Variants in RBFOX1 observed in about 807,000 individuals in gnomAD.
The protein encoded by RBFOX1 is RNA binding protein fox-1 homolog 1.
In RBFOX1, 8 loss-of-function variants were observed where a neutral mutation model predicts 57.7. The ratio of observed to expected loss-of-function variants is 0.14; its 90% confidence interval spans 0.08 to 0.25. The LOEUF (loss-of-function observed/expected upper bound fraction) is 0.25. Among genes scored for constraint, RBFOX1 ranks in the 10% least tolerant of loss-of-function variants. RBFOX1 has a pLI of 1.00. For synonymous variants in RBFOX1, 326 were observed against 222.4 expected, an observed-to-expected ratio of 1.47 and a Z score of -4.15; for missense variants, 611 against 548.5, an observed-to-expected ratio of 1.11 and a Z score of -1.14.
chr16:5,300,370 G>A (rs1218215664), intron 1 of RBFOX1, among the ~76,000 whole-genome samples: 5 of 152,108 alleles, frequency 3.3e-5, no homozygotes, highest in Non-Finnish European at 7.3e-5. Flanking sequence ...GAGAAAGGGT[G>A]GGAGCGGGTG....
intron 11 of RBFOX1, among the ~76,000 whole-genome samples, chr16:7,644,437 C>A (rs571074781): frequency 6.6e-6 from 1 of 152,344 alleles, no homozygotes; most frequent in Non-Finnish European, 1.5e-5. Flanking sequence ...CCAGTTATCA[C>A]TGCCTGGGTT....
intron 4 of RBFOX1, among the ~76,000 whole-genome samples, chr16:7,438,395 C>G (rs1419003094): frequency 6.6e-6 from 1 of 151,998 alleles, no homozygotes; most frequent in South Asian, 2.1e-4. Flanking sequence ...GAGACAGGTT[C>G]ATTTTATTAA....
chr16:5,944,809 A>AAAAAAAAAAAAAAAAAAAAAAAAAAAAC (rs2059362233), intron 4 of RBFOX1, among the ~76,000 whole-genome samples: 1 of 143,160 alleles, frequency 7.0e-6, no homozygotes, highest in Non-Finnish European at 1.5e-5. Context: ...AAAAAAAAAA[A>AAAAAAAAAAAAAAAAAAAAAAAAAAAAC]TTAGCTGGGT....
At chr16:7,232,781 C>G (rs1023055516) in intron 4 of RBFOX1, among the ~76,000 whole-genome samples, 1 of 147,290 alleles carries the variant, frequency 6.8e-6, no homozygotes, top group African/African-American at 2.5e-5. Context: ...GGGGAGGTTG[C>G]CGTGAGCTGA....
chr16:6,989,805 G>C (rs1030318292), intron 3 of RBFOX1, among the ~76,000 whole-genome samples: 1 of 152,058 alleles, frequency 6.6e-6, no homozygotes, highest in Non-Finnish European at 1.5e-5. Flanking sequence ...TTCGAAACTA[G>C]CCTGGCTAAC....
intron 1 of RBFOX1, among the ~76,000 whole-genome samples, chr16:6,091,280 A>C (rs1433751507): frequency 1.3e-5 from 2 of 151,804 alleles, no homozygotes; most frequent in Non-Finnish European, 2.9e-5. Context: ...CCACTTATGA[A>C]CTCCTTTCTC....
intron 4 of RBFOX1, among the ~76,000 whole-genome samples, chr16:7,184,804 A>C (rs1263207651): frequency 1.3e-5 from 2 of 152,268 alleles, no homozygotes; most frequent in South Asian, 2.1e-4. Flanking sequence ...TCTATGTATC[A>C]ACTCAGAACT....
chr16:5,281,035 T>C (rs1307690815), intron 1 of RBFOX1, among the ~76,000 whole-genome samples: 1 of 152,188 alleles, frequency 6.6e-6, no homozygotes, highest in East Asian at 1.9e-4. Context: ...GGTTGTTTAT[T>C]TGAAATCTTT....
intron 1 of RBFOX1, among the ~76,000 whole-genome samples, chr16:6,247,088 A>T (rs1195712886): frequency 6.6e-6 from 1 of 152,206 alleles, no homozygotes; most frequent in African/African-American, 2.4e-5. Context: ...CAAACTAAAA[A>T]AAATTCTGAC....
chr16:7,473,158 G>C (rs779219098), intron 4 of RBFOX1, among the ~76,000 whole-genome samples: 6 of 152,050 alleles, frequency 3.9e-5, no homozygotes, highest in Admixed American at 6.6e-5. Context: ...TGGGTGAATT[G>C]CTTTAAGCCC....
chr16:6,138,040 G>A (rs1287221250), intron 1 of RBFOX1, among the ~76,000 whole-genome samples: 1 of 152,200 alleles, frequency 6.6e-6, no homozygotes, highest in African/African-American at 2.4e-5. Context: ...AATCCTAGGT[G>A]GTCTGGCTAG....
chr16:7,672,520 C>G (rs1017019268), intron 13 of RBFOX1, among the ~76,000 whole-genome samples: 1 of 152,098 alleles, frequency 6.6e-6, no homozygotes, highest in Non-Finnish European at 1.5e-5. Context: ...GATGAACTTT[C>G]ACTGTCACAT....
intron 9 of RBFOX1, among the ~76,000 whole-genome samples, chr16:7,605,927 C>G (rs117747146): frequency 6.6e-6 from 1 of 152,108 alleles, no homozygotes; most frequent in Non-Finnish European, 1.5e-5. Flanking sequence ...CAACCTCTGA[C>G]TCCCAGCTTC....
intron 4 of RBFOX1, among the ~76,000 whole-genome samples, chr16:7,224,825 C>G (rs561109090): frequency 2.6e-4 from 39 of 152,208 alleles, no homozygotes; most frequent in African/African-American, 9.1e-4. Flanking sequence ...GTTAGAAATG[C>G]AGACTGTTAT....
At chr16:6,247,202 A>C (rs2097574113) in intron 1 of RBFOX1, among the ~76,000 whole-genome samples, 1 of 152,214 alleles carries the variant, frequency 6.6e-6, no homozygotes, top group Admixed American at 6.5e-5. Context: ...CTGTCTTGGA[A>C]ACGTCAGAGA....
intron 2 of RBFOX1, among the ~76,000 whole-genome samples, chr16:6,568,711 T>G (rs1024708854): frequency 6.6e-6 from 1 of 152,166 alleles, no homozygotes; most frequent in Admixed American, 6.5e-5. Flanking sequence ...TCCTAATGTC[T>G]TCTTCCATTT....
At chr16:5,715,655 G>A (rs1256948056) in intron 3 of RBFOX1, among the ~76,000 whole-genome samples, 1 of 152,172 alleles carries the variant, frequency 6.6e-6, no homozygotes, top group African/African-American at 2.4e-5. Flanking sequence ...GTCAAGGCAT[G>A]AAGGCTAAAG....
intron 3 of RBFOX1, among the ~76,000 whole-genome samples, chr16:6,943,343 A>C (rs1005560387): frequency 2.6e-5 from 4 of 152,224 alleles, no homozygotes; most frequent in African/African-American, 9.6e-5. Context: ...GCATACTTCT[A>C]TATTTGAGTT....
chr16:7,103,201 A>T (rs1599576353), intron 4 of RBFOX1, among the ~76,000 whole-genome samples: 2 of 152,124 alleles, frequency 1.3e-5, no homozygotes, highest in Non-Finnish European at 2.9e-5. Flanking sequence ...ATTTTTAAAG[A>T]GGGGATAAAA....
Sources: allele counts gnomAD v4.1 joint callset (sites outside exome capture counted in the v4.1 genomes callset), GRCh38; gene constraint gnomAD v4.1.1; transcripts MANE v1.5; gene names NCBI Gene and HGNC (gene_info 2026-07-23, HGNC 2026-07-21).